The following AAK1 variants were observed in gnomAD, a reference collection of about 807,000 sequenced individuals.
AAK1 encodes the protein AP2 associated kinase 1.
Under a neutral mutation model 116.0 loss-of-function variants are expected in AAK1, and 37 were observed. That is an observed-to-expected ratio of 0.32 (90% CI 0.25 to 0.42). The LOEUF (loss-of-function observed/expected upper bound fraction) is 0.42. AAK1 is among the 10% of genes least tolerant of loss of function. AAK1 has a pLI of 1.00. For missense variants in AAK1, 919 were observed against 1,170.6 expected (o/e 0.79, Z 3.14); for synonymous variants, 458 against 439.9 (o/e 1.04, Z -0.51).
At chr2:69,486,199 T>C (rs1432646419) in intron 17 of AAK1, among the ~76,000 whole-genome samples, 4 of 151,954 alleles carry the variant, frequency 2.6e-5, no homozygotes, top group African/African-American at 9.7e-5. Flanking sequence ...TGGCCTCAAG[T>C]AATCCTCCTG....
intron 2 of AAK1, among the ~76,000 whole-genome samples, chr2:69,612,744 TAC>T (rs906421099): frequency 6.6e-6 from 1 of 152,222 alleles, no homozygotes; most frequent in African/African-American, 2.4e-5. Context: ...GAAAAACTGG[TAC>T]ATTCATACCA....
chr2:69,615,649 GA>G (rs1674293057), intron 2 of AAK1, among the ~76,000 whole-genome samples: 1 of 152,196 alleles, frequency 6.6e-6, no homozygotes, highest in Non-Finnish European at 1.5e-5. Flanking sequence ...CACACAGAAA[GA>G]AAGTGGAAAG....
Position 69,469,659 on chromosome 2 carries a change from T to C in AAK1, c.*6210A>G, listed in dbSNP as rs1331639694. On this transcript the variant is annotated 3_prime_UTR_variant, in exon 22 of 22. Transcript: ENST00000409085. Reference sequence around the variant, plus strand: ...CAGGGGCTAAAGCCCAGGGCCTGGCTTCATAGTCTGCACAGGGTCTTACTT... The same window carrying C: ...CAGGGGCTAAAGCCCAGGGCCTGGCCTCATAGTCTGCACAGGGTCTTACTT... 4.6e-5 allele frequency: 45 copies of C among 985,358 alleles called. No homozygotes were observed. The Admixed American group carries it at 2.8e-3, about 61-fold the overall frequency. The allele number at this position is 985,358 out of a possible 1,614,324, so 61.0% of individuals were successfully genotyped here.
rs763251653 is a variant in AAK1 at position 69,469,466 on chromosome 2, T to C, written c.*6403A>G. 21 of 985,338 alleles carry C rather than the reference T, an allele frequency of 2.1e-5. No individual in the cohort carries two copies. The highest frequency in any genetic ancestry group is 6.1e-5 in the Admixed American group (1 of 16,268). The allele number at this position is 985,338 out of a possible 1,614,324, so 61.0% of individuals were successfully genotyped here. ...GGTGAACAGTTCCTTTATATGAAGG[T>C]AGCATTGTGTCAACAAGAAAACGTG... is the stretch of plus-strand genomic sequence containing the variant. On this transcript the variant is annotated 3_prime_UTR_variant, in exon 22 of 22. Transcript: ENST00000409085.
chr2:69,536,921 T>C (rs1327021024), intron 5 of AAK1, among the ~76,000 whole-genome samples: 2 of 152,258 alleles, frequency 1.3e-5, no homozygotes, highest in Admixed American at 1.3e-4. Context: ...AAAATCTCTA[T>C]TCTAACAAAG....
At chr2:69,509,126 T>C in intron 14 of AAK1, 105 bp downstream of exon 14, 1 of 905,882 alleles carries the variant, frequency 1.1e-6, no homozygotes, top group South Asian at 1.6e-5. Context: ...ACCACTGTAT[T>C]TGCATTACAC....
At chr2:69,596,977 T>A (rs930413917) in intron 2 of AAK1, among the ~76,000 whole-genome samples, 2 of 151,916 alleles carry the variant, frequency 1.3e-5, no homozygotes, top group African/African-American at 4.8e-5. Context: ...GGTGGCTGTT[T>A]TGTTGGGAAA....
At chr2:69,518,399 T>C (rs975862410) in intron 12 of AAK1, among the ~76,000 whole-genome samples, 28 of 148,058 alleles carry the variant, frequency 1.9e-4, no homozygotes, top group South Asian at 2.1e-4. Context: ...AAGCAGTCCT[T>C]AAAAAAAAAT....
Position 69,464,324 on chromosome 2 carries a change from C to T in AAK1, c.*11545G>A, listed in dbSNP as rs150740708. The T allele has an allele frequency of 4.6e-5, 7 of 152,294 alleles. No individual in the cohort carries two copies. Among genetic ancestry groups the T allele is most frequent in the African/African-American group, 1.7e-4 (7 of 41,572 alleles). The allele number at this position is 152,294 out of a possible 1,614,324, so 9.4% of individuals were successfully genotyped here. A position where few individuals can be genotyped will look rare whatever the true frequency, so the allele number is the denominator to read the frequency against. The stretch of plus-strand genomic sequence containing the variant: ...TAGCCCACATACTGAGAGGCCGGAA[C>T]TGTAACAAGGTGCTCTTTTCTAGTG... On this transcript the variant is annotated 3_prime_UTR_variant, in exon 22 of 22. Coordinates refer to ENST00000409085, the MANE Select transcript of AAK1 (RefSeq NM_014911.5).
chr2:69,503,780 C>T (rs2104954208), intron 16 of AAK1, among the ~76,000 whole-genome samples: 1 of 152,272 alleles, frequency 6.6e-6, no homozygotes, highest in South Asian at 2.1e-4. Flanking sequence ...CTCGGCCTCT[C>T]AAAGTGCTGG....
Position 69,482,710 on chromosome 2 carries a change from C to T in AAK1, c.2467+1G>A. 3 of 1,600,430 alleles carry T rather than the reference C, an allele frequency of 1.9e-6. No homozygotes were observed. The highest frequency in any genetic ancestry group is 2.6e-6 in the Non-Finnish European group (3 of 1,167,656). Reference sequence around the variant, plus strand: ...TGAAGAAACAGAGATGATGACTTTACCAATTACAGCATCAGAAGTGCTACC... The same window carrying T: ...TGAAGAAACAGAGATGATGACTTTATCAATTACAGCATCAGAAGTGCTACC... On this transcript the variant is annotated splice_donor_variant, in intron 18 of 21. Coordinates refer to ENST00000409085, the MANE Select transcript of AAK1 (RefSeq NM_014911.5). LOFTEE classifies it high-confidence loss of function.
rs1674566861 is a variant in AAK1, at chr2:69,468,539, C to G, written c.*7330G>C. 3.0e-6 allele frequency: 3 copies of G among 985,232 alleles called. No individual in the cohort carries two copies. The highest frequency in any genetic ancestry group is 3.6e-6 in the Non-Finnish European group (3 of 829,880). 61.0% of individuals were successfully genotyped at this position (985,232 alleles called of 1,614,324 possible). On this transcript the variant is annotated 3_prime_UTR_variant, in exon 22 of 22. Coordinates refer to ENST00000409085, the MANE Select transcript of AAK1 (RefSeq NM_014911.5). Reference sequence around the variant, plus strand: ...TGTTCTGCAGGAGAGCAAAATATCTCTTAGGGAAAAAAAATGGAAAACTTA... The same window carrying G: ...TGTTCTGCAGGAGAGCAAAATATCTGTTAGGGAAAAAAAATGGAAAACTTA...
chr2:69,527,549 C>T (rs534616005), intron 8 of AAK1, among the ~76,000 whole-genome samples: 1 of 152,176 alleles, frequency 6.6e-6, no homozygotes, highest in African/African-American at 2.4e-5. Context: ...AACAAAGATA[C>T]TTAAAGTTCA....
At chr2:69,638,999 C>T (rs1465377696) in intron 2 of AAK1, among the ~76,000 whole-genome samples, 1 of 152,170 alleles carries the variant, frequency 6.6e-6, no homozygotes, top group Non-Finnish European at 1.5e-5. Context: ...TATTATGTGC[C>T]TTTAATGGAA....
At position 69,474,546 on chromosome 2, in the gene AAK1, T is replaced by A; in HGVS notation, c.*1323A>T. 3 of 985,316 alleles carry A rather than the reference T, an allele frequency of 3.0e-6. No homozygotes were observed. The highest frequency in any genetic ancestry group is 4.7e-5 in the South Asian group (1 of 21,282). 61.0% of individuals were successfully genotyped at this position (985,316 alleles called of 1,614,324 possible). A position where few individuals can be genotyped will look rare whatever the true frequency, so the allele number is the denominator to read the frequency against. ...AGAACTATGCTTTATTATTTTTTTTTAATCTAGGAAGCCAAGGAAAACCAG... is the reference window on the plus strand; with the variant it reads ...AGAACTATGCTTTATTATTTTTTTTAAATCTAGGAAGCCAAGGAAAACCAG... On this transcript the variant is annotated 3_prime_UTR_variant, in exon 22 of 22. Transcript: ENST00000409085.
At position 69,471,173 on chromosome 2, in the gene AAK1, T is replaced by C. The variant is rs1347652550; in HGVS notation, c.*4696A>G. 4 of 985,486 alleles carry C rather than the reference T, an allele frequency of 4.1e-6. No homozygotes were observed. Among genetic ancestry groups the C allele is most frequent in the Non-Finnish European group, 4.8e-6 (4 of 829,916 alleles). 61.0% of individuals were successfully genotyped at this position (985,486 alleles called of 1,614,324 possible). A position where few individuals can be genotyped will look rare whatever the true frequency, so the allele number is the denominator to read the frequency against. On this transcript the variant is annotated 3_prime_UTR_variant, in exon 22 of 22. Transcript: ENST00000409085. Reference sequence around the variant, plus strand: ...AGAATACTCACAGGAAAAGAGTAAATTCAGGTCACTACATCAAAGTGTGAA... The same window carrying C: ...AGAATACTCACAGGAAAAGAGTAAACTCAGGTCACTACATCAAAGTGTGAA...
At chr2:69,637,305 A>G (rs1421207232) in intron 2 of AAK1, among the ~76,000 whole-genome samples, 2 of 152,120 alleles carry the variant, frequency 1.3e-5, no homozygotes, top group African/African-American at 4.8e-5. Flanking sequence ...GCTCTTTTAC[A>G]TGACTCCAGC....
In AAK1 at chr2:69,480,904, T is replaced by A; in HGVS notation, c.2525A>T (p.Gln842Leu). The A allele has an allele frequency of 6.2e-7, 1 of 1,607,150 alleles. No homozygotes were observed. The highest frequency in any genetic ancestry group is 8.5e-7 in the Non-Finnish European group (1 of 1,177,444). The part of the protein sequence containing the change: ...LIPGLEPPVP[Q>L]RLPSQTESVT... Reference sequence around the variant, plus strand: ...AGATTCCGTCTGAGATGGGAGGCGCTGGGGAACTGGGGGCTCCAGTCCTGG... The same window carrying A: ...AGATTCCGTCTGAGATGGGAGGCGCAGGGGAACTGGGGGCTCCAGTCCTGG... Residue 842 changes from glutamine to leucine, a missense_variant, in exon 19 of 22, where the codon CAG becomes CTG. Coordinates refer to ENST00000409085, the MANE Select transcript of AAK1 (RefSeq NM_014911.5).
chr2:69,480,531 C>T (rs895277829), intron 19 of AAK1, among the ~76,000 whole-genome samples: 2 of 152,114 alleles, frequency 1.3e-5, no homozygotes, highest in Non-Finnish European at 2.9e-5. Context: ...TTAAGGGTAT[C>T]CTTACAGCTC....
Sources: allele counts gnomAD v4.1 joint callset (sites outside exome capture counted in the v4.1 genomes callset), GRCh38; gene constraint gnomAD v4.1.1; transcripts MANE v1.5; gene names NCBI Gene and HGNC (gene_info 2026-07-23, HGNC 2026-07-21).